BDH1: variants seen among roughly 807,000 people sequenced by gnomAD.
The protein encoded by BDH1 is D-beta-hydroxybutyrate dehydrogenase, mitochondrial.
BDH1 carries 30 observed loss-of-function variants against 33.1 expected under a neutral mutation model. The ratio of observed to expected loss-of-function variants is 0.91; its 90% CI spans 0.68 to 1.23. BDH1 has a LOEUF of 1.23. Among genes scored for constraint, BDH1 ranks in the 50% most tolerant of loss-of-function variants. BDH1 has a pLI of 0.00. For missense variants in BDH1, 443 were observed against 464.4 expected (o/e 0.95, Z 0.42); for synonymous variants, 190 against 183.6 (o/e 1.03, Z -0.28).
upstream of BDH1, among the ~76,000 whole-genome samples, chr3:197,560,319 A>G (rs1560346253): frequency 1.3e-5 from 2 of 152,238 alleles, no homozygotes; most frequent in South Asian, 4.1e-4. Flanking sequence ...GTGTGCTTAT[A>G]CTGGTCCAAG....
Position 197,532,563 on chromosome 3 carries a change from A to G in BDH1, c.157-41T>C, listed in dbSNP as rs749223774. The G allele has an allele frequency of 2.0e-6, 3 of 1,514,420 alleles. No homozygotes were observed. In the East Asian group the frequency reaches 6.8e-5, roughly 34 times the overall value. 93.8% of individuals were successfully genotyped at this position (1,514,420 alleles called of 1,614,324 possible). ...AGATTCCATGTTAGGAACCGGTGGT[A>G]CAGGGGCAAAGTGACCAGGCCTCTC... On this transcript the variant is annotated intron_variant, in intron 4 of 7. Transcript: ENST00000392379.
intron 1 of BDH1, among the ~76,000 whole-genome samples, chr3:197,562,307 T>C (rs1158154782): frequency 6.6e-6 from 1 of 152,234 alleles, no homozygotes. Flanking sequence ...TATCTATTGC[T>C]TTTTCTCCCA....
upstream of BDH1, among the ~76,000 whole-genome samples, chr3:197,556,606 TC>T (rs1717058407): frequency 6.6e-6 from 1 of 152,204 alleles, no homozygotes. Flanking sequence ...AGGCGGAGGT[TC>T]CAGTGAGCCG....
At chr3:197,534,587 G>A (rs980505678) in intron 3 of BDH1, among the ~76,000 whole-genome samples, 2 of 152,190 alleles carry the variant, frequency 1.3e-5, no homozygotes, top group Admixed American at 6.5e-5. Flanking sequence ...CTCTTGGGTA[G>A]GTGCCCAGGG....
At chr3:197,569,119 A>G (rs1208245373) in intron 1 of BDH1, among the ~76,000 whole-genome samples, 1 of 152,222 alleles carries the variant, frequency 6.6e-6, no homozygotes, top group East Asian at 1.9e-4. Flanking sequence ...AGTGGCAAAG[A>G]CAGATCCCAC....
intron 4 of BDH1, 143 bp from the exon 5 acceptor site, chr3:197,532,665 G>C (rs781722562): frequency 1.1e-5 from 7 of 629,942 alleles, no homozygotes; most frequent in Non-Finnish European, 1.7e-5. Context: ...TTGTTGTCTG[G>C]AGAAGCACCA....
chr3:197,569,926 T>G (rs1717554037), intron 1 of BDH1, among the ~76,000 whole-genome samples: 1 of 151,750 alleles, frequency 6.6e-6, no homozygotes, highest in Non-Finnish European at 1.5e-5. Flanking sequence ...CAGGCAGAGG[T>G]TAGAACAGTT....
upstream of BDH1, among the ~76,000 whole-genome samples, chr3:197,560,795 T>C (rs1717235177): frequency 6.6e-6 from 1 of 152,198 alleles, no homozygotes; most frequent in Non-Finnish European, 1.5e-5. Flanking sequence ...TCCCATTCTA[T>C]TCAGTCATCC....
chr3:197,514,236 G>A lies in BDH1; in HGVS notation c.562+28C>T, dbSNP rs759015688. 57 of 1,598,322 alleles carry A rather than the reference G, an allele frequency of 3.6e-5. No homozygotes were observed. Among genetic ancestry groups the A allele is most frequent in the Non-Finnish European group, 4.3e-5 (50 of 1,170,054 alleles). ...ATGAACACGTGGGGCAGGTTCAGGG[G>A]CAGGAGGGAGCTCCCTTTCCCACTC... On this transcript the variant is annotated intron_variant, in intron 7 of 7. Transcript: ENST00000392379. The surrounding 1 kb of genome is among the most constrained non-coding windows in gnomAD (Gnocchi z 4.2).
chr3:197,542,635 C>A (rs1202038500), intron 3 of BDH1, among the ~76,000 whole-genome samples: 1 of 149,754 alleles, frequency 6.7e-6, no homozygotes, highest in East Asian at 1.9e-4. Flanking sequence ...GCGATTCTCC[C>A]GCCTCAGCCT....
intron 1 of BDH1, among the ~76,000 whole-genome samples, chr3:197,566,295 G>C (rs754163196): frequency 1.3e-4 from 20 of 152,206 alleles, no homozygotes; most frequent in Non-Finnish European, 2.4e-4. Flanking sequence ...TTGACTTATG[G>C]AGGCAATAAA....
rs977493717 is a variant in BDH1, at chr3:197,554,375, C to G, written c.-44+187G>C. 5 of 152,244 alleles carry G rather than the reference C, an allele frequency of 3.3e-5. No homozygotes were observed. The highest frequency in any genetic ancestry group is 1.2e-4 in the African/African-American group (5 of 41,450). 9.4% of individuals were successfully genotyped at this position (152,244 alleles called of 1,614,324 possible). On this transcript the variant is annotated intron_variant, in intron 2 of 7. Transcript: ENST00000392379. The surrounding 1 kb of genome is among the most constrained non-coding windows in gnomAD (Gnocchi z 4.4). ...CAGACAAGACCCAAATGTTGAATCA[C>G]TCTCTTCTTGCTCCTCCGAATATTT...
intron 2 of BDH1, among the ~76,000 whole-genome samples, chr3:197,547,687 T>G (rs1716198226): frequency 1.3e-5 from 2 of 152,264 alleles, no homozygotes; most frequent in Admixed American, 1.3e-4. Context: ...ACTTCCGTGT[T>G]TAAAGCCAAC....
intron 2 of BDH1, among the ~76,000 whole-genome samples, chr3:197,551,090 T>G (rs1402249913): frequency 1.3e-5 from 2 of 152,222 alleles, no homozygotes; most frequent in Non-Finnish European, 2.9e-5. Flanking sequence ...CTTTTAGTTA[T>G]TTTTATATGT....
At chr3:197,566,202 T>C (rs1275559661) in intron 1 of BDH1, among the ~76,000 whole-genome samples, 2 of 152,238 alleles carry the variant, frequency 1.3e-5, no homozygotes, top group African/African-American at 2.4e-5. Context: ...CTGTTTTCAT[T>C]TGTAACAGGA....
chr3:197,512,225 G>A lies in BDH1; in HGVS notation c.702C>T (p.Ser234=), dbSNP rs779524014. ...CGATGAAGTTGCCGGGCTCCACCAC[G>A]CTGACCTTCACGCCCAGGGGGTACA... ...YEMYPLGVKV[S]VVEPGNFIAA... is the part of the protein sequence containing the mutation. Residue 234 remains serine (S), a synonymous_variant, in exon 8 of 8, where the codon AGC becomes AGT. Transcript: ENST00000392379. 2.3e-5 allele frequency: 37 copies of A among 1,613,650 alleles called. No homozygotes were observed. Among genetic ancestry groups the A allele is most frequent in the Non-Finnish European group, 2.8e-5 (33 of 1,180,030 alleles).
At chr3:197,550,831 T>C (rs1716506246) in intron 2 of BDH1, among the ~76,000 whole-genome samples, 1 of 152,224 alleles carries the variant, frequency 6.6e-6, no homozygotes, top group Non-Finnish European at 1.5e-5. Flanking sequence ...GCTGTGCCTT[T>C]ACAGTCTCTG....
rs187260867 is a variant in BDH1 at position 197,525,967 on chromosome 3, A to C, written c.268-3186T>G. On this transcript the variant is annotated intron_variant, in intron 5 of 7. Coordinates refer to ENST00000392379, the MANE Select transcript of BDH1 (RefSeq NM_203314.3). This position sits in a 1 kb window ranked among gnomAD's most constrained non-coding sequence, Gnocchi z 4.9. Reference sequence around the variant, plus strand: ...ACCTCTGTCTGGCTGCTCAGGGACAAGCTTTTAGTTCCGCTGTGTTGGTGC... The same window carrying C: ...ACCTCTGTCTGGCTGCTCAGGGACACGCTTTTAGTTCCGCTGTGTTGGTGC... 1.8e-4 allele frequency among the ~76,000 whole-genome samples: 28 copies of C among 152,240 alleles called. 1 individual carries two copies. The East Asian group carries it at 3.9e-3, about 21-fold the overall frequency.
At chr3:197,530,169 C>G (rs2108738647) in intron 5 of BDH1, 1 of 152,250 alleles carries the variant, frequency 6.6e-6, no homozygotes, top group Admixed American at 6.5e-5. Flanking sequence ...ACATTTCCCA[C>G]CTATCAGACT....
Sources: allele counts gnomAD v4.1 joint callset (sites outside exome capture counted in the v4.1 genomes callset), GRCh38; gene constraint gnomAD v4.1.1; non-coding constraint Gnocchi (gnomAD v3.1); transcripts MANE v1.5; gene names NCBI Gene and HGNC (gene_info 2026-07-23, HGNC 2026-07-21).